Variants in TG observed in about 807,000 individuals in gnomAD.
TG encodes the protein thyroid hormones.
Under a neutral mutation model 324.7 loss-of-function variants are expected in TG, and 270 were observed. The ratio of observed to expected loss-of-function variants is 0.83; its 90% CI spans 0.75 to 0.92. TG has a LOEUF of 0.92. Among genes scored for constraint, TG ranks in the 40% least tolerant of loss-of-function variants. The pLI is 0.00. For missense variants in TG, 3,591 were observed against 3,456.4 expected (o/e 1.04, Z -0.98); for synonymous variants, 1,401 against 1,327.0 (o/e 1.06, Z -1.21).
At chr8:132,913,318 G>A in intron 20 of TG, 53 bp downstream of exon 20, 1 of 1,575,802 alleles carries the variant, frequency 6.3e-7, no homozygotes, top group East Asian at 2.2e-5. Flanking sequence ...GAGGCTTTAG[G>A]AAAGGCCACC....
chr8:132,980,355 C>A (rs1296783455), intron 34 of TG, among the ~76,000 whole-genome samples: 1 of 152,116 alleles, frequency 6.6e-6, no homozygotes, highest in Non-Finnish European at 1.5e-5. Flanking sequence ...TGTGATGGAA[C>A]CTCCTTAAGT....
chr8:132,902,210 G>A (rs982845456), intron 16 of TG, among the ~76,000 whole-genome samples: 3 of 152,110 alleles, frequency 2.0e-5, no homozygotes, highest in Non-Finnish European at 4.4e-5. Flanking sequence ...TGGGGTGGTG[G>A]GTCTGGCAGA....
chr8:133,040,349 C>T, intron 41 of TG: 1 of 543,608 alleles, frequency 1.8e-6, no homozygotes, highest in Non-Finnish European at 3.3e-6. Context: ...TGCACTTAGC[C>T]AGGCATGGGC....
intron 35 of TG, chr8:132,988,655 A>G: frequency 5.2e-6 from 5 of 957,334 alleles, no homozygotes; most frequent in Non-Finnish European, 6.2e-6. Context: ...AAACAAGTGA[A>G]ATAGTAAATA....
At chr8:133,097,052 C>CT (rs1848528296) in intron 43 of TG, among the ~76,000 whole-genome samples, 1 of 152,198 alleles carries the variant, frequency 6.6e-6, no homozygotes, top group African/African-American at 2.4e-5. Context: ...TGGCCAAAGC[C>CT]TTGTAGGTGG....
At position 132,938,920 on chromosome 8, in the gene TG, C is replaced by T. The variant is rs193090712; in HGVS notation, c.5042-2431C>T. 4.3e-3 allele frequency among the ~76,000 whole-genome samples: 649 copies of T among 151,904 alleles called. 3 individuals are homozygous for T. Among genetic ancestry groups the T allele is most frequent in the Middle Eastern group, 0.017 (5 of 292 alleles). On this transcript the variant is annotated intron_variant, in intron 25 of 47. Transcript: ENST00000220616. ...ACAAAAAATTAGCTGGGTGTGGTGG[C>T]GGGCGCCTGTAGTCCCAGCTACTCG...
intron 3 of TG, among the ~76,000 whole-genome samples, chr8:132,870,181 T>G (rs898659566): frequency 2.0e-5 from 3 of 151,908 alleles, no homozygotes; most frequent in Admixed American, 2.0e-4. Context: ...AAGACTTGGG[T>G]CAAAGCTATC....
intron 41 of TG, among the ~76,000 whole-genome samples, chr8:133,093,489 G>T (rs62516035): frequency 6.6e-6 from 1 of 152,152 alleles, no homozygotes; most frequent in Non-Finnish European, 1.5e-5. Context: ...AGAAAATCAC[G>T]TGTATCTCCC....
chr8:133,074,556 T>C (rs1844573091), intron 41 of TG, among the ~76,000 whole-genome samples: 1 of 152,212 alleles, frequency 6.6e-6, no homozygotes, highest in African/African-American at 2.4e-5. Flanking sequence ...CAAATCCCAA[T>C]TATCCTTTGT....
chr8:133,096,738 G>C (rs759915041), intron 43 of TG, among the ~76,000 whole-genome samples: 11 of 152,336 alleles, frequency 7.2e-5, no homozygotes, highest in Non-Finnish European at 1.3e-4. Flanking sequence ...GCAGGGAGAT[G>C]AAGGGACTCT....
intron 20 of TG, among the ~76,000 whole-genome samples, chr8:132,918,049 C>T (rs1222198173): frequency 6.6e-6 from 1 of 151,966 alleles, no homozygotes; most frequent in Non-Finnish European, 1.5e-5. Flanking sequence ...TGAGAGAGCC[C>T]CTTCTCCCGA....
At chr8:132,955,618 G>A (rs979011182) in intron 27 of TG, among the ~76,000 whole-genome samples, 2 of 152,186 alleles carry the variant, frequency 1.3e-5, no homozygotes, top group Non-Finnish European at 2.9e-5. Context: ...TATTTCCAGC[G>A]TTCAGTAGGC....
chr8:132,882,514 G>A lies in TG; in HGVS notation c.791G>A (p.Gly264Asp), dbSNP rs774556616. 6.2e-7 allele frequency: 1 copy of A among 1,614,152 alleles called. No individual in the cohort carries two copies. Among genetic ancestry groups the A allele is most frequent in the Non-Finnish European group, 8.5e-7 (1 of 1,180,044 alleles). ...GAAATTTATGACACCATTTTTGCTG[G>A]CCTGGACCTTCCTTCCACCTTCACT... Reference protein sequence around the residue: ...LDEIYDTIFAGLDLPSTFTET... With the variant: ...LDEIYDTIFADLDLPSTFTET... The change falls in exon 7 of 48, where the codon GGC becomes GAC. Residue 264 changes from glycine (G) to aspartate (D), a missense_variant. By Grantham distance (94) the Gly-to-Asp change is moderately conservative. Coordinates refer to ENST00000220616, the MANE Select transcript of TG (RefSeq NM_003235.5).
intron 5 of TG, among the ~76,000 whole-genome samples, chr8:132,876,045 G>C (rs1587192789): frequency 6.6e-6 from 1 of 152,170 alleles, no homozygotes; most frequent in Non-Finnish European, 1.5e-5. Flanking sequence ...TTTCAATATT[G>C]CAGCAAGCAT....
intron 41 of TG, chr8:133,038,655 C>A (rs1837541912): frequency 1.9e-6 from 3 of 1,613,732 alleles, no homozygotes; most frequent in South Asian, 1.1e-5. Context: ...AGGTAAGAGG[C>A]AATGCTCTCT....
chr8:132,920,745 T>C (rs1820990094), intron 21 of TG, among the ~76,000 whole-genome samples: 1 of 152,224 alleles, frequency 6.6e-6, no homozygotes, highest in Non-Finnish European at 1.5e-5. Context: ...CAGACCAGGT[T>C]TGATCACCAC....
In TG at chr8:133,080,835, G is replaced by A. The variant is rs1401372835; in HGVS notation, c.7240-14209G>A. The stretch of plus-strand genomic sequence containing the variant: ...GCCTTTCCCCCTGCAAGGGCATGGG[G>A]CAGGTCCCTTCAGGCCCAACCCAGT... On this transcript the variant is annotated intron_variant, in intron 41 of 47. Coordinates refer to ENST00000220616, the MANE Select transcript of TG (RefSeq NM_003235.5). Among the ~76,000 whole-genome samples the A allele has an allele frequency of 4.6e-5, 7 of 152,174 alleles. No homozygotes were observed. In the East Asian group the frequency reaches 1.4e-3, roughly 29 times the overall value.
intron 29 of TG, among the ~76,000 whole-genome samples, chr8:132,963,526 G>A (rs1828064215): frequency 1.3e-5 from 2 of 152,132 alleles, no homozygotes; most frequent in South Asian, 2.1e-4. Flanking sequence ...GGAACAGTAC[G>A]TATGTACTGT....
At chr8:132,913,396 A>C (rs1819817268) in intron 20 of TG, 131 bp downstream of exon 20, 1 of 945,180 alleles carries the variant, frequency 1.1e-6, no homozygotes, top group Non-Finnish European at 1.7e-6. Flanking sequence ...AACGAGCAAA[A>C]GTTTTCAATC....
Sources: gnomAD v4.1 joint callset for allele counts (sites outside exome capture counted in the v4.1 genomes callset) on GRCh38, gnomAD v4.1.1 for gene constraint, MANE v1.5 for transcripts, NCBI Gene and HGNC (gene_info 2026-07-23, HGNC 2026-07-21) for gene names.